Variants in EFCAB13 observed in about 807,000 individuals in gnomAD.
The protein encoded by EFCAB13 is EF-hand calcium-binding domain-containing protein 13.
A neutral mutation model predicts 110.2 loss-of-function variants in EFCAB13; 91 were observed. The ratio of observed to expected loss-of-function variants is 0.83; its 90% CI spans 0.70 to 0.98. EFCAB13 has a LOEUF of 0.98. Ranked by LOEUF, EFCAB13 falls within the 50% of genes least tolerant of loss-of-function variation. EFCAB13 has a pLI of 0.00. For synonymous variants in EFCAB13, 323 were observed against 369.9 expected (o/e 0.87, Z 1.45); for missense variants, 968 against 1,119.4 (o/e 0.86, Z 1.93).
In EFCAB13 at chr17:47,411,053, C is replaced by G. The variant is rs2065831864; in HGVS notation, c.2278+1362C>G. ...TTGCTTTCCATTGTATCTCCAGGAC[C>G]TAGCAGAGTCCTGGCTCTTTAATTA... On this transcript the variant is annotated intron_variant, in intron 21 of 24. Transcript: ENST00000331493. Among the ~76,000 whole-genome samples, 3 of 152,272 alleles carry G rather than the reference C, an allele frequency of 2.0e-5. No individual in the cohort carries two copies. The South Asian group carries it at 6.2e-4, about 32-fold the overall frequency.
intron 17 of EFCAB13, among the ~76,000 whole-genome samples, chr17:47,401,803 C>A (rs1050685272): frequency 6.6e-6 from 1 of 152,004 alleles, no homozygotes; most frequent in Non-Finnish European, 1.5e-5. Context: ...TGCCACCACA[C>A]CCGGCTAATT....
At position 47,385,907 on chromosome 17, in the gene EFCAB13, T is replaced by A. The variant is rs866811552; in HGVS notation, c.1583-5530T>A. On this transcript the variant is annotated intron_variant, in intron 14 of 24. Coordinates refer to ENST00000331493, the MANE Select transcript of EFCAB13 (RefSeq NM_152347.5). ...CCCGTCTTCTGCAGGTCTGCTGCAG[T>A]TTGCTGGAGGTCCATTCCAGACCTT... 2.0e-5 allele frequency among the ~76,000 whole-genome samples: 3 copies of A among 152,300 alleles called. No homozygotes were observed. The South Asian group carries it at 6.2e-4, about 32-fold the overall frequency.
intron 14 of EFCAB13, among the ~76,000 whole-genome samples, chr17:47,389,042 C>A (rs934499352): frequency 6.6e-6 from 1 of 151,670 alleles, no homozygotes; most frequent in African/African-American, 2.4e-5. Flanking sequence ...CATTCATAAT[C>A]TTTTTTTTGA....
At chr17:47,378,216 C>T (rs4968258) in intron 13 of EFCAB13, among the ~76,000 whole-genome samples, 146,579 of 152,206 alleles carry the variant, frequency 0.96, 70,814 homozygotes, top group East Asian at 1. Flanking sequence ...GTTCAGATGG[C>T]AAGACCACAA....
chr17:47,418,116 TA>T (rs988411166), intron 23 of EFCAB13, among the ~76,000 whole-genome samples: 1 of 152,236 alleles, frequency 6.6e-6, no homozygotes, highest in African/African-American at 2.4e-5. Context: ...TCTGGTTTTC[TA>T]AATCTTCTTG....
intron 24 of EFCAB13, 54 bp downstream of exon 24, chr17:47,430,015 G>A (rs1250210875): frequency 2.0e-6 from 3 of 1,514,182 alleles, no homozygotes; most frequent in Non-Finnish European, 8.9e-7. Flanking sequence ...CCACAGGGGT[G>A]GAAGGTCTAT....
intron 10 of EFCAB13, 86 bp downstream of exon 10, chr17:47,361,607 G>T: frequency 8.6e-7 from 1 of 1,158,700 alleles, no homozygotes; most frequent in Non-Finnish European, 1.2e-6. Flanking sequence ...TTTGTGATCT[G>T]TCCTTTGCTT....
intron 4 of EFCAB13, among the ~76,000 whole-genome samples, chr17:47,334,784 G>A (rs1335860796): frequency 6.6e-6 from 1 of 152,000 alleles, no homozygotes; most frequent in Non-Finnish European, 1.5e-5. Context: ...GCATGATGGT[G>A]CATGTCTGTG....
intron 14 of EFCAB13, among the ~76,000 whole-genome samples, chr17:47,387,636 CA>C (rs1567795367): frequency 6.6e-6 from 1 of 152,186 alleles, no homozygotes; most frequent in Non-Finnish European, 1.5e-5. Flanking sequence ...AGAGCTCACA[CA>C]TTGCTGTCTT....
At chr17:47,336,735 G>A (rs1174283689) in intron 5 of EFCAB13, among the ~76,000 whole-genome samples, 1 of 151,736 alleles carries the variant, frequency 6.6e-6, no homozygotes, top group Non-Finnish European at 1.5e-5. Flanking sequence ...CACTGCACCC[G>A]ACCAAGCTAT....
At position 47,344,108 on chromosome 17, in the gene EFCAB13, T is replaced by C. The variant is rs1377269241; in HGVS notation, c.304-54T>C. On this transcript the variant is annotated intron_variant, in intron 6 of 24. Transcript: ENST00000331493. Reference sequence around the variant, plus strand: ...TAAGAGTTGTATCATCCAAGAATGCTGAATTACCAGTGTCACTCACCTCAG... The same window carrying C: ...TAAGAGTTGTATCATCCAAGAATGCCGAATTACCAGTGTCACTCACCTCAG... The C allele has an allele frequency of 1.9e-6, 3 of 1,563,120 alleles. No individual in the cohort carries two copies. The African/African-American group carries it at 4.1e-5, about 21-fold the overall frequency.
chr17:47,398,551 C>T (rs2065760980), intron 17 of EFCAB13, among the ~76,000 whole-genome samples: 1 of 151,646 alleles, frequency 6.6e-6, no homozygotes, highest in African/African-American at 2.4e-5. Context: ...TGTGACCTTA[C>T]CCCCAACCCT....
intron 14 of EFCAB13, among the ~76,000 whole-genome samples, chr17:47,380,651 G>A (rs2065642017): frequency 6.6e-6 from 1 of 152,086 alleles, no homozygotes; most frequent in Non-Finnish European, 1.5e-5. Flanking sequence ...TTGAGGAATC[G>A]CCACACTTCT....
At chr17:47,344,102 G>GA (rs2065401221) in intron 6 of EFCAB13, 60 bp from the exon 7 acceptor site, 1 of 1,548,040 alleles carries the variant, frequency 6.5e-7, no homozygotes, top group Non-Finnish European at 8.7e-7. Context: ...TATCATCCAA[G>GA]AATGCTGAAT....
chr17:47,433,991 G>C (rs751987571), intron 24 of EFCAB13, among the ~76,000 whole-genome samples: 1 of 151,906 alleles, frequency 6.6e-6, no homozygotes, highest in Non-Finnish European at 1.5e-5. Context: ...TTGTTTATTT[G>C]TGTTTACAAA....
At chr17:47,345,788 C>T (rs890320884) in intron 8 of EFCAB13, among the ~76,000 whole-genome samples, 4 of 152,110 alleles carry the variant, frequency 2.6e-5, no homozygotes, top group African/African-American at 9.7e-5. Context: ...CCATTTGGTG[C>T]CACTATGATT....
chr17:47,342,037 A>G lies in EFCAB13; in HGVS notation c.303+5A>G. 1 of 1,526,242 alleles carries G rather than the reference A, an allele frequency of 6.6e-7. No individual in the cohort carries two copies. The allele number at this position is 1,526,242 out of a possible 1,614,324, so 94.5% of individuals were successfully genotyped here. On this transcript the variant is annotated splice_donor_5th_base_variant and intron_variant, in intron 6 of 24. Transcript: ENST00000331493. ...CAGCACAGTAAAAGAACTGAGGTAA[A>G]TAAAGATTTGGAAATTTTTCTTTTA... is the stretch of plus-strand genomic sequence containing the variant.
chr17:47,345,730 C>G (rs1242544262), intron 8 of EFCAB13, among the ~76,000 whole-genome samples: 2 of 152,194 alleles, frequency 1.3e-5, no homozygotes, highest in East Asian at 1.9e-4. Context: ...CTCACAATCT[C>G]TTATACTTCC....
intron 24 of EFCAB13, among the ~76,000 whole-genome samples, chr17:47,436,555 C>T (rs572677680): frequency 5.9e-5 from 9 of 152,112 alleles, no homozygotes; most frequent in South Asian, 4.1e-4. Flanking sequence ...GATTTATGTG[C>T]GCAAGGGTGT....
Sources: allele counts gnomAD v4.1 joint callset (sites outside exome capture counted in the v4.1 genomes callset), GRCh38; gene constraint gnomAD v4.1.1; transcripts MANE v1.5; gene names NCBI Gene and HGNC (gene_info 2026-07-23, HGNC 2026-07-21).